NDRG3: variants seen among roughly 807,000 people sequenced by gnomAD.
The protein encoded by NDRG3 is NDRG family member 3.
Under a neutral mutation model 57.2 loss-of-function variants are expected in NDRG3, and 23 were observed. The ratio of observed to expected loss-of-function variants is 0.40; its 90% CI spans 0.29 to 0.57. The LOEUF is 0.57. NDRG3 is among the 20% of genes least tolerant of loss of function. The pLI, the probability that NDRG3 is intolerant of heterozygous loss-of-function variation, is 0.42. For synonymous variants in NDRG3, 132 were observed against 162.6 expected (o/e 0.81, Z 1.43); for missense variants, 384 against 457.3 (o/e 0.84, Z 1.46).
chr20:36,688,782 T>C lies in NDRG3; in HGVS notation c.96A>G (p.Glu32=), dbSNP rs901932789. Residue 32 remains glutamate (E), a splice_region_variant and synonymous_variant, in exon 4 of 16, where the codon GAA becomes GAG. Coordinates refer to ENST00000349004, the MANE Select transcript of NDRG3 (RefSeq NM_032013.4). ...TRNFQDFDCQ[E]HDIETTHGVV... ...CACCATGAGTTGTTTCTATATCATG[T>C]TCCTGTAACAAGAGAATGTAAGTTC... 1.9e-6 allele frequency: 3 copies of C among 1,610,620 alleles called. No individual in the cohort carries two copies. The highest frequency in any genetic ancestry group is 2.5e-6 in the Non-Finnish European group (3 of 1,176,822).
rs1169651332 is a variant in NDRG3 at position 36,721,683 on chromosome 20, T to A, written c.53A>T (p.Asp18Val). 6.2e-7 allele frequency: 1 copy of A among 1,600,104 alleles called. No individual in the cohort carries two copies. Among genetic ancestry groups the A allele is most frequent in the Admixed American group, 1.7e-5 (1 of 59,012 alleles). Residue 18 changes from aspartate (D) to valine (V), a missense_variant, in exon 2 of 16, where the codon GAT (aspartate) becomes GTT (valine). Coordinates refer to ENST00000349004, the MANE Select transcript of NDRG3 (RefSeq NM_032013.4). ...QLTEIKPLLNDKNGTRNFQDF... is the reference protein window; with the variant it reads ...QLTEIKPLLNVKNGTRNFQDF... ...TGAAAACAGAAAAGTCTTTACCTTA[T>A]CATTTAGAAGTGGTTTGATCTCTGT...
At chr20:36,738,752 G>A (rs1041460283) in intron 1 of NDRG3, among the ~76,000 whole-genome samples, 6 of 150,028 alleles carry the variant, frequency 4.0e-5, no homozygotes, top group African/African-American at 1.2e-4. Context: ...GAACCTGGGA[G>A]GCAGAGGTTG....
rs1401720943 is a variant in NDRG3 at position 36,660,840 on chromosome 20, G to A, written c.811-456C>T. 4.3e-4 allele frequency among the ~76,000 whole-genome samples: 66 copies of A among 152,096 alleles called. 1 individual carries two copies. The highest frequency in any genetic ancestry group is 1.9e-4 in the East Asian group (1 of 5,202). On this transcript the variant is annotated intron_variant, in intron 12 of 15. Transcript: ENST00000349004. ...CTCCCAAAGTGCTGGGATTACAGGC[G>A]TGAGCCACCGCGCCCGGCCCGGGAG...
At chr20:36,693,141 T>TATAC (rs1323122806) in intron 3 of NDRG3, among the ~76,000 whole-genome samples, 18 of 34,612 alleles carry the variant, frequency 5.2e-4, no homozygotes, top group African/African-American at 1.1e-3. Flanking sequence ...TATATATATA[T>TATAC]ACACACACAC....
intron 8 of NDRG3, among the ~76,000 whole-genome samples, chr20:36,674,886 ATTTTTTTTTTTTTTTT>A (rs34146274): frequency 2.5e-5 from 1 of 39,668 alleles, no homozygotes; most frequent in South Asian, 1.5e-3. Flanking sequence ...GCCCAGCCAG[ATTTTTTTTTTTTTTTT>A]TTTTTTTTTT....
At chr20:36,710,579 C>A (rs944741766) in intron 2 of NDRG3, among the ~76,000 whole-genome samples, 1 of 152,006 alleles carries the variant, frequency 6.6e-6, no homozygotes, top group Non-Finnish European at 1.5e-5. Context: ...GAAGCCGAGG[C>A]GGATAGATCA....
chr20:36,702,160 G>C (rs989499182), intron 3 of NDRG3, among the ~76,000 whole-genome samples: 1 of 151,186 alleles, frequency 6.6e-6, no homozygotes, highest in Non-Finnish European at 1.5e-5. Context: ...TTTTTGAGAC[G>C]GAGTCTTGCT....
At chr20:36,705,190 C>T (rs758513624) in intron 3 of NDRG3, among the ~76,000 whole-genome samples, 14 of 151,564 alleles carry the variant, frequency 9.2e-5, no homozygotes, top group African/African-American at 1.9e-4. Context: ...GGTGTGGTGG[C>T]GGGCTCCTGT....
chr20:36,729,497 G>A (rs1337746233), intron 1 of NDRG3, among the ~76,000 whole-genome samples: 2 of 151,962 alleles, frequency 1.3e-5, no homozygotes, highest in African/African-American at 4.8e-5. Flanking sequence ...GAGGTGAGGA[G>A]ATGAACTGAA....
intron 7 of NDRG3, among the ~76,000 whole-genome samples, chr20:36,681,152 A>T (rs1391686478): frequency 3.3e-5 from 5 of 152,218 alleles, no homozygotes; most frequent in Non-Finnish European, 7.3e-5. Flanking sequence ...AAAGATCTAT[A>T]TGCAGTTGTT....
chr20:36,712,587 ATT>A (rs71186015), intron 2 of NDRG3, among the ~76,000 whole-genome samples: 4 of 5,908 alleles, frequency 6.8e-4, no homozygotes, highest in Admixed American at 3.5e-3. Flanking sequence ...ATATATATAT[ATT>A]TTTTTTTTTT....
chr20:36,677,940 T>A (rs1980901382), intron 8 of NDRG3, among the ~76,000 whole-genome samples: 1 of 152,186 alleles, frequency 6.6e-6, no homozygotes, highest in Non-Finnish European at 1.5e-5. Flanking sequence ...TATTCCCACT[T>A]TTCTGTTTTA....
chr20:36,653,761 G>C lies in NDRG3; in HGVS notation c.947-60C>G. 6.6e-7 allele frequency: 1 copy of C among 1,507,006 alleles called. No individual in the cohort carries two copies. Among genetic ancestry groups the C allele is most frequent in the African/African-American group, 1.4e-5 (1 of 72,804 alleles). The allele number at this position is 1,507,006 out of a possible 1,614,324, so 93.4% of individuals were successfully genotyped here. A position where few individuals can be genotyped will look rare whatever the true frequency, so the allele number is the denominator to read the frequency against. On this transcript the variant is annotated intron_variant, in intron 15 of 15. Transcript: ENST00000349004. This position sits in a 1 kb window ranked among gnomAD's most constrained non-coding sequence, Gnocchi z 4.2. Reference sequence around the variant, plus strand: ...GCCCCGGTTAAGCCCAGCTAACCTAGGAGTCTCATCAAAGTCTTTATGTTT... The same window carrying C: ...GCCCCGGTTAAGCCCAGCTAACCTACGAGTCTCATCAAAGTCTTTATGTTT...
At chr20:36,732,714 C>T (rs1386829407) in intron 1 of NDRG3, among the ~76,000 whole-genome samples, 1 of 152,080 alleles carries the variant, frequency 6.6e-6, no homozygotes, top group Non-Finnish European at 1.5e-5. Flanking sequence ...GAGGGTCAAC[C>T]GCTTGCTGGA....
rs1045219394 is a variant in NDRG3, at chr20:36,739,651, G to A, written c.-49+6394C>T. On this transcript the variant is annotated intron_variant, in intron 1 of 15. Transcript: ENST00000349004. Reference sequence around the variant, plus strand: ...TGAAACCCTGTCTCGGCCGGGCGCCGGTGGCTCACGCCTATAATCCCAGCA... The same window carrying A: ...TGAAACCCTGTCTCGGCCGGGCGCCAGTGGCTCACGCCTATAATCCCAGCA... Among the ~76,000 whole-genome samples the A allele has an allele frequency of 1.5e-4, 23 of 148,910 alleles. 1 individual carries two copies. The highest frequency in any genetic ancestry group is 5.2e-4 in the African/African-American group (21 of 40,506).
chr20:36,694,123 G>A (rs1982571727), intron 3 of NDRG3, among the ~76,000 whole-genome samples: 1 of 152,124 alleles, frequency 6.6e-6, no homozygotes, highest in Non-Finnish European at 1.5e-5. Flanking sequence ...TTATCTTGTT[G>A]AGTAGGCTGA....
rs1285681706 is a variant in NDRG3 at position 36,669,044 on chromosome 20, C to T, written c.588+2297G>A. On this transcript the variant is annotated intron_variant, in intron 9 of 15. Coordinates refer to ENST00000349004, the MANE Select transcript of NDRG3 (RefSeq NM_032013.4). ...GGAACACAGGCATGGCTACTAAGCC[C>T]GTCTGATTTTTGAATTTTTTTTTTT... Among the ~76,000 whole-genome samples the T allele has an allele frequency of 1.1e-4, 17 of 151,738 alleles. 1 individual carries two copies. Among genetic ancestry groups the T allele is most frequent in the Admixed American group, 3.3e-4 (5 of 15,208 alleles).
intron 12 of NDRG3, among the ~76,000 whole-genome samples, 187 bp from the exon 13 acceptor site, chr20:36,660,571 T>TA (rs200812340): frequency 0.027 from 3,972 of 149,602 alleles, 179 homozygotes; most frequent in African/African-American, 0.093. Flanking sequence ...TTTATTTATT[T>TA]TTTTTTTGAG....
chr20:36,654,737 G>C, intron 15 of NDRG3: 1 of 778,062 alleles, frequency 1.3e-6, no homozygotes, highest in Admixed American at 1.7e-5. Flanking sequence ...CGGACATGCT[G>C]CAGGCAGCCA....
Sources: gnomAD v4.1 joint callset for allele counts (sites outside exome capture counted in the v4.1 genomes callset) on GRCh38, gnomAD v4.1.1 for gene constraint, Gnocchi (gnomAD v3.1) non-coding constraint, MANE v1.5 for transcripts, NCBI Gene and HGNC (gene_info 2026-07-23, HGNC 2026-07-21) for gene names.